The following SYT1 variants were observed in gnomAD, a reference collection of about 807,000 sequenced individuals.
The protein encoded by SYT1 is synaptotagmin 1, also known as synaptotagmin-1.
In SYT1, 8 loss-of-function variants were observed where a neutral mutation model predicts 44.8. The ratio of observed to expected loss-of-function variants is 0.18; its 90% CI spans 0.10 to 0.32. The LOEUF (loss-of-function observed/expected upper bound fraction) is 0.32. Ranked by LOEUF, SYT1 falls within the 10% of genes least tolerant of loss-of-function variation. SYT1 has a pLI of 1.00. For missense variants in SYT1, 286 were observed against 509.3 expected, an observed-to-expected ratio of 0.56 and a Z score of 4.22; for synonymous variants, 154 against 188.8, an observed-to-expected ratio of 0.82 and a Z score of 1.51.
intron 8 of SYT1, among the ~76,000 whole-genome samples, chr12:79,325,655 A>G (rs1881577994): frequency 6.6e-6 from 1 of 152,196 alleles, no homozygotes; most frequent in East Asian, 1.9e-4. Context: ...TTTTACACTG[A>G]TTTAGTATGG....
chr12:78,869,965 G>A (rs1873734840), intron 1 of SYT1, among the ~76,000 whole-genome samples: 2 of 151,990 alleles, frequency 1.3e-5, no homozygotes, highest in Non-Finnish European at 2.9e-5. Flanking sequence ...CACATAAAAA[G>A]GCATTTTGTT....
At chr12:79,092,309 A>G (rs755092723) in intron 3 of SYT1, among the ~76,000 whole-genome samples, 2 of 151,990 alleles carry the variant, frequency 1.3e-5, no homozygotes, top group South Asian at 2.1e-4. Flanking sequence ...AATATGGCCA[A>G]TGTTTCCAAT....
At chr12:78,876,200 C>T (rs1874059820) in intron 1 of SYT1, among the ~76,000 whole-genome samples, 1 of 151,536 alleles carries the variant, frequency 6.6e-6, no homozygotes. Context: ...GTAGCATTAA[C>T]CGGAAATTAT....
At chr12:79,296,948 G>GA (rs932594435) in intron 7 of SYT1, among the ~76,000 whole-genome samples, 42 of 152,090 alleles carry the variant, frequency 2.8e-4, no homozygotes, top group African/African-American at 9.6e-4. Flanking sequence ...TTTAACGTGC[G>GA]AAAAAAACTT....
intron 3 of SYT1, among the ~76,000 whole-genome samples, chr12:79,145,338 TAAC>T (rs1278480274): frequency 7.2e-5 from 11 of 152,254 alleles, no homozygotes; most frequent in African/African-American, 1.7e-4. Context: ...AAATATGAAT[TAAC>T]AACCTTTGTC....
chr12:79,176,289 CAA>C (rs11389898), intron 3 of SYT1, among the ~76,000 whole-genome samples: 2 of 139,200 alleles, frequency 1.4e-5, no homozygotes, highest in Non-Finnish European at 1.6e-5. Flanking sequence ...AATTCTGTCT[CAA>C]AAAAAAAAAA....
intron 1 of SYT1, among the ~76,000 whole-genome samples, chr12:78,939,926 A>G (rs1158625051): frequency 6.6e-6 from 1 of 152,164 alleles, no homozygotes. Flanking sequence ...TCTTATCTTA[A>G]AAGTTTAGAT....
At chr12:78,954,478 A>T (rs1879115530) in intron 1 of SYT1, among the ~76,000 whole-genome samples, 1 of 152,026 alleles carries the variant, frequency 6.6e-6, no homozygotes, top group South Asian at 2.1e-4. Context: ...GAATGATCCT[A>T]TGTGGTACCC....
At chr12:78,912,342 AAAAG>A (rs1876387205) in intron 1 of SYT1, among the ~76,000 whole-genome samples, 1 of 152,008 alleles carries the variant, frequency 6.6e-6, no homozygotes, top group South Asian at 2.1e-4. Flanking sequence ...AAATTGCTGA[AAAAG>A]AAAGGCTATG....
intron 3 of SYT1, among the ~76,000 whole-genome samples, chr12:79,133,769 C>T (rs543014369): frequency 2.0e-5 from 3 of 152,216 alleles, no homozygotes; most frequent in African/African-American, 7.2e-5. Flanking sequence ...ATATTGTTGA[C>T]AGAAATATGA....
chr12:79,220,280 T>C (rs1207756155), intron 4 of SYT1, among the ~76,000 whole-genome samples: 1 of 152,002 alleles, frequency 6.6e-6, no homozygotes, highest in Non-Finnish European at 1.5e-5. Flanking sequence ...TTTTGTTTCT[T>C]ATTTTATTTA....
rs1565894612 is a variant in SYT1, at chr12:79,293,390, TAAAATAAAATA to T, written c.474+1264_474+1274del. On this transcript the variant is annotated intron_variant, in intron 6 of 10. Transcript: ENST00000261205. ...TAAAATAAAATAAAATAAAATAAAA[TAAAATAAAATA>T]AAATAAAATTAAAAAATCTGTAAGA... is the stretch of plus-strand genomic sequence containing the variant. 5.1e-4 allele frequency among the ~76,000 whole-genome samples: 35 copies of T among 68,010 alleles called. 1 individual carries two copies. The East Asian group carries it at 0.013, about 26-fold the overall frequency. The allele number at this position is 68,010 out of a possible 152,430, so 44.6% of individuals were successfully genotyped here.
chr12:79,324,007 G>T (rs1881491326), intron 8 of SYT1, among the ~76,000 whole-genome samples: 1 of 142,024 alleles, frequency 7.0e-6, no homozygotes, highest in Admixed American at 7.4e-5. Flanking sequence ...CTGGAGTGCA[G>T]TGGCGCAATC....
At chr12:79,170,374 T>G in intron 3 of SYT1, among the ~76,000 whole-genome samples, 1 of 152,118 alleles carries the variant, frequency 6.6e-6, no homozygotes, top group Middle Eastern at 3.2e-3. Flanking sequence ...TTTTTTGACT[T>G]TTTGATACTA....
intron 1 of SYT1, among the ~76,000 whole-genome samples, chr12:78,902,944 G>C (rs4083221): frequency 6.6e-6 from 1 of 151,866 alleles, no homozygotes; most frequent in Non-Finnish European, 1.5e-5. Context: ...TAAAGCAAGG[G>C]TCTTAATTTC....
intron 9 of SYT1, among the ~76,000 whole-genome samples, chr12:79,383,574 T>C (rs994922781): frequency 2.0e-5 from 3 of 152,234 alleles, no homozygotes; most frequent in Non-Finnish European, 2.9e-5. Context: ...TTTGCTTTTC[T>C]AACTACCCTT....
intron 1 of SYT1, among the ~76,000 whole-genome samples, chr12:78,905,584 C>A (rs1307972249): frequency 6.6e-6 from 1 of 151,918 alleles, no homozygotes; most frequent in Admixed American, 6.6e-5. Flanking sequence ...AAAGGTAAAC[C>A]ATCTATTCTT....
chr12:79,300,767 A>G (rs960779141), intron 8 of SYT1, among the ~76,000 whole-genome samples: 1 of 131,014 alleles, frequency 7.6e-6, no homozygotes, highest in Non-Finnish European at 1.6e-5. Flanking sequence ...GTATTTTTGT[A>G]TATAATATTC....
chr12:79,385,184 A>G (rs1011827340), intron 9 of SYT1, among the ~76,000 whole-genome samples: 4 of 151,728 alleles, frequency 2.6e-5, no homozygotes, highest in African/African-American at 9.7e-5. Context: ...ACAGGGTTTC[A>G]CCATGTTGGC....
Sources: allele counts gnomAD v4.1 joint callset (sites outside exome capture counted in the v4.1 genomes callset), GRCh38; gene constraint gnomAD v4.1.1; transcripts MANE v1.5; gene names NCBI Gene and HGNC (gene_info 2026-07-23, HGNC 2026-07-21).